CACNA1A: variants seen among roughly 807,000 people sequenced by gnomAD.
CACNA1A encodes calcium voltage-gated channel subunit alpha1 A, also known as voltage-dependent P/Q-type calcium channel subunit alpha-1A.
Under a neutral mutation model 262.4 loss-of-function variants are expected in CACNA1A, and 57 were observed. The ratio of observed to expected loss-of-function variants is 0.22; its 90% CI spans 0.18 to 0.27. The LOEUF (loss-of-function observed/expected upper bound fraction) is 0.27. Ranked by LOEUF, CACNA1A falls within the 10% of genes least tolerant of loss-of-function variation. CACNA1A has a pLI of 1.00. For synonymous variants in CACNA1A, 1,431 were observed against 1,419.3 expected (o/e 1.01, Z -0.18); for missense variants, 2,526 against 3,562.8 (o/e 0.71, Z 7.41).
Position 13,298,921 on chromosome 19 carries a change from G to A in CACNA1A, c.2712C>T (p.His904=), listed in dbSNP as rs759320715. The change falls in exon 19 of 47, where the codon CAC becomes CAT. Residue 904 remains histidine, a synonymous_variant. Transcript: ENST00000360228. ...GTTGCTCCAGGCTGCCCTCCCGGGC[G>A]TGGTGGTCCGACTCGCGGCCGTAGG... The part of the protein sequence containing the change: ...EGPYGRESDH[H]AREGSLEQPG... 13 of 1,594,714 alleles carry A rather than the reference G, an allele frequency of 8.2e-6. No individual in the cohort carries two copies. The highest frequency in any genetic ancestry group is 2.2e-5 in the East Asian group (1 of 44,680).
At chr19:13,240,512 A>G (rs956582841) in intron 31 of CACNA1A, among the ~76,000 whole-genome samples, 1 of 149,480 alleles carries the variant, frequency 6.7e-6, no homozygotes. Context: ...GTGTGTACAT[A>G]GTGACTGTGC....
chr19:13,496,205 C>T (rs942159136), intron 1 of CACNA1A, among the ~76,000 whole-genome samples: 1 of 152,200 alleles, frequency 6.6e-6, no homozygotes, highest in Non-Finnish European at 1.5e-5. Flanking sequence ...GGCCACAAGT[C>T]AAAAATTTGC....
chr19:13,384,865 T>C (rs558137875), intron 3 of CACNA1A, among the ~76,000 whole-genome samples: 77 of 152,140 alleles, frequency 5.1e-4, no homozygotes, highest in African/African-American at 1.7e-3. Flanking sequence ...TTGCGGGGGC[T>C]GATGGTTGAG....
At chr19:13,334,098 A>G in intron 8 of CACNA1A, 1 of 385,210 alleles carries the variant, frequency 2.6e-6, no homozygotes, top group Admixed American at 4.0e-5. Context: ...ACGGAGGTAC[A>G]GGGATGTGTG....
At chr19:13,228,599 G>T (rs1290510077) in intron 36 of CACNA1A, 12 of 222,694 alleles carry the variant, frequency 5.4e-5, no homozygotes, top group African/African-American at 2.7e-4. Flanking sequence ...TTTAGAGAGA[G>T]AGAGAGATAT....
chr19:13,297,199 T>C (rs1318922212), intron 19 of CACNA1A, among the ~76,000 whole-genome samples: 2 of 152,210 alleles, frequency 1.3e-5, no homozygotes, highest in African/African-American at 2.4e-5. Flanking sequence ...ACTATTTCCA[T>C]TGTGTGAGGC....
chr19:13,478,420 C>A (rs1978828597), intron 1 of CACNA1A, among the ~76,000 whole-genome samples: 1 of 152,144 alleles, frequency 6.6e-6, no homozygotes, highest in South Asian at 2.1e-4. Flanking sequence ...TGGGCTCAGG[C>A]ACTCTTCCCA....
chr19:13,452,938 G>A lies in CACNA1A; in HGVS notation c.477C>T (p.Phe159=). ...CATTCCTCAAGTAGGAGCCTTTGTG[G>A]AAGGCAAACCCAAGGGCAATGATTT... ...GIKIIALGFA[F]HKGSYLRNGW... The change falls in exon 3 of 47, where the codon TTC becomes TTT. Residue 159 remains phenylalanine, a synonymous_variant. Transcript: ENST00000360228. 1 of 1,613,790 alleles carries A rather than the reference G, an allele frequency of 6.2e-7. No homozygotes were observed. The highest frequency in any genetic ancestry group is 8.5e-7 in the Non-Finnish European group (1 of 1,179,700).
rs538263977 is a variant in CACNA1A, at chr19:13,235,081, T to C, written c.5134-45A>G. 5 of 1,556,622 alleles carry C rather than the reference T, an allele frequency of 3.2e-6. No homozygotes were observed. In the South Asian group the frequency reaches 4.4e-5, roughly 14 times the overall value. ...CGACCAGGGGCTGCCATTCCTCCAGTGGCTTCTGGGAAACCCAGCTCAACC... is the reference window on the plus strand; with the variant it reads ...CGACCAGGGGCTGCCATTCCTCCAGCGGCTTCTGGGAAACCCAGCTCAACC... On this transcript the variant is annotated intron_variant, in intron 33 of 46. Coordinates refer to ENST00000360228, the MANE Select transcript of CACNA1A (RefSeq NM_001127222.2).
At chr19:13,359,073 C>A (rs76693404) in intron 6 of CACNA1A, among the ~76,000 whole-genome samples, 2 of 152,120 alleles carry the variant, frequency 1.3e-5, no homozygotes, top group Non-Finnish European at 2.9e-5. Flanking sequence ...GAGAATTGCA[C>A]GCAAGTTCAT....
At chr19:13,298,248 A>C (rs767568035) in intron 19 of CACNA1A, among the ~76,000 whole-genome samples, 155 of 150,250 alleles carry the variant, frequency 1.0e-3, no homozygotes, top group Middle Eastern at 6.9e-3. Context: ...CTCCTGCCTC[A>C]GCCTCCTGAG....
chr19:13,396,045 G>T (rs1443989036), intron 3 of CACNA1A, among the ~76,000 whole-genome samples: 1 of 152,192 alleles, frequency 6.6e-6, no homozygotes, highest in Non-Finnish European at 1.5e-5. Flanking sequence ...GCAGCTTTGG[G>T]TCTTCATTCT....
intron 1 of CACNA1A, among the ~76,000 whole-genome samples, chr19:13,458,498 C>T (rs951039406): frequency 6.6e-6 from 1 of 151,792 alleles, no homozygotes; most frequent in Non-Finnish European, 1.5e-5. Flanking sequence ...AATTTTACCT[C>T]AATAAAAAAA....
chr19:13,490,498 G>A (rs1172646652), intron 1 of CACNA1A, among the ~76,000 whole-genome samples: 3 of 152,108 alleles, frequency 2.0e-5, no homozygotes, highest in Admixed American at 1.3e-4. Flanking sequence ...AGCCACTTGG[G>A]AGGCCAAGGC....
At chr19:13,485,079 A>C (rs898957394) in intron 1 of CACNA1A, among the ~76,000 whole-genome samples, 10 of 152,204 alleles carry the variant, frequency 6.6e-5, no homozygotes, top group Admixed American at 1.3e-4. Context: ...GTTGAGTATA[A>C]AAACAGACCA....
chr19:13,477,110 G>A (rs1019530150), intron 1 of CACNA1A, among the ~76,000 whole-genome samples: 9 of 152,094 alleles, frequency 5.9e-5, no homozygotes, highest in Non-Finnish European at 1.0e-4. Context: ...AGCCACATCT[G>A]CCTCCTCACT....
intron 6 of CACNA1A, among the ~76,000 whole-genome samples, chr19:13,349,007 C>CAAAAA (rs60884577): frequency 0.12 from 7,236 of 59,464 alleles, 599 homozygotes; most frequent in East Asian, 0.38. Context: ...GACGCTGTCT[C>CAAAAA]AAAAAAAAAA....
chr19:13,232,204 C>CTT (rs200455525), intron 34 of CACNA1A, among the ~76,000 whole-genome samples: 4 of 140,960 alleles, frequency 2.8e-5, no homozygotes, highest in African/African-American at 2.7e-5. Flanking sequence ...CTCTCTCTCT[C>CTT]TTTTTTTTTT....
chr19:13,366,991 A>T (rs1230332495), intron 4 of CACNA1A, among the ~76,000 whole-genome samples: 1 of 152,098 alleles, frequency 6.6e-6, no homozygotes, highest in Non-Finnish European at 1.5e-5. Context: ...CAGAGAATGC[A>T]TGAGAAATGG....
Sources: gnomAD v4.1 joint callset for allele counts (sites outside exome capture counted in the v4.1 genomes callset) on GRCh38, gnomAD v4.1.1 for gene constraint, MANE v1.5 for transcripts, NCBI Gene and HGNC (gene_info 2026-07-23, HGNC 2026-07-21) for gene names.